The following BCAP29 variants were observed in gnomAD, a reference collection of about 807,000 sequenced individuals.
The protein encoded by BCAP29 is B cell receptor associated protein 29.
In BCAP29, 34 loss-of-function variants were observed where a neutral mutation model predicts 31.8. The ratio of observed to expected loss-of-function variants is 1.07; its 90% CI spans 0.81 to 1.42. BCAP29 has a LOEUF of 1.42. Ranked by LOEUF, BCAP29 falls within the 40% of genes most tolerant of loss-of-function variation. The pLI, the probability that BCAP29 is intolerant of heterozygous loss-of-function variation, is 0.00. For missense variants in BCAP29, 314 were observed against 269.2 expected, an observed-to-expected ratio of 1.17 and a Z score of -1.16; for synonymous variants, 104 against 91.3, an observed-to-expected ratio of 1.14 and a Z score of -0.79.
At chr7:107,580,398 C>G (rs866518251) in intron 1 of BCAP29, 97 bp downstream of exon 1, 2 of 222,016 alleles carry the variant, frequency 9.0e-6, no homozygotes, top group Non-Finnish European at 1.8e-5. Context: ...TGGCCTGGCC[C>G]GACCCGGCCC....
intron 5 of BCAP29, among the ~76,000 whole-genome samples, chr7:107,598,743 C>CT (rs998316992): frequency 6.6e-6 from 1 of 151,498 alleles, no homozygotes; most frequent in East Asian, 1.9e-4. Flanking sequence ...TCCTGTGTTC[C>CT]TTTTTTACCT....
At chr7:107,580,596 C>A in intron 1 of BCAP29, 163 bp from the exon 2 acceptor site, 2 of 537,684 alleles carry the variant, frequency 3.7e-6, no homozygotes, top group Non-Finnish European at 6.4e-6. Flanking sequence ...ACCCGCTTCC[C>A]GGGCCACCCT....
intron 7 of BCAP29, 30 bp from the exon 8 acceptor site, chr7:107,618,298 A>T (rs757190632): frequency 2.0e-6 from 3 of 1,493,374 alleles, no homozygotes; most frequent in Non-Finnish European, 2.7e-6. Context: ...TCTTTGCTGT[A>T]CTACATAAAT....
At chr7:107,593,892 C>G in intron 3 of BCAP29, 63 bp from the exon 4 acceptor site, 1 of 1,493,162 alleles carries the variant, frequency 6.7e-7, no homozygotes, top group Non-Finnish European at 9.0e-7. Flanking sequence ...AAACTGCTTT[C>G]CATTTTTAAC....
At chr7:107,604,876 A>G (rs916167098) in intron 6 of BCAP29, among the ~76,000 whole-genome samples, 2 of 151,894 alleles carry the variant, frequency 1.3e-5, no homozygotes, top group Non-Finnish European at 2.9e-5. Flanking sequence ...CCAGTAGGCA[A>G]TATATAATTA....
intron 6 of BCAP29, chr7:107,603,295 T>C (rs928523258): frequency 6.6e-6 from 1 of 152,120 alleles, no homozygotes; most frequent in Admixed American, 6.6e-5. Context: ...ACTAGAAATA[T>C]GTAGCATTCA....
At chr7:107,611,765 CTTA>C (rs1233143223) in intron 6 of BCAP29, among the ~76,000 whole-genome samples, 2 of 152,094 alleles carry the variant, frequency 1.3e-5, no homozygotes, top group Non-Finnish European at 2.9e-5. Flanking sequence ...TCTTTAATAC[CTTA>C]TTTAGAATTA....
intron 5 of BCAP29, 28 bp from the exon 6 acceptor site, chr7:107,600,369 T>C: frequency 7.2e-7 from 1 of 1,392,162 alleles, no homozygotes. Flanking sequence ...TCTAAGCTTA[T>C]TTCTTCCTGT....
chr7:107,612,429 A>T (rs920397828), intron 6 of BCAP29, among the ~76,000 whole-genome samples: 1,851 of 30,064 alleles, frequency 0.062, 148 homozygotes, highest in African/African-American at 0.17. Context: ...ATATATATAT[A>T]TATATATATA....
chr7:107,582,347 G>C (rs1306839102), intron 2 of BCAP29, among the ~76,000 whole-genome samples: 1 of 152,160 alleles, frequency 6.6e-6, no homozygotes, highest in Non-Finnish European at 1.5e-5. Flanking sequence ...CTCATGTACA[G>C]ATATAAAGAA....
intron 6 of BCAP29, among the ~76,000 whole-genome samples, chr7:107,604,591 TAC>T (rs1290294539): frequency 5.9e-5 from 9 of 152,098 alleles, no homozygotes; most frequent in Admixed American, 5.9e-4. Context: ...ATCTTTTACT[TAC>T]AGTTATATCA....
Position 107,594,072 on chromosome 7 carries a change from T to C in BCAP29, c.311T>C (p.Leu104Pro), listed in dbSNP as rs1029970255. ...QMKLFRSQRNLYISGFSLFFW... is the reference protein window; with the variant it reads ...QMKLFRSQRNPYISGFSLFFW... ...AAACTTTTTAGGTCTCAAAGAAATC[T>C]TTACATTTCTGGATTTTCCCTATTT... is the stretch of plus-strand genomic sequence containing the variant. The change falls in exon 4 of 8, where the codon CTT becomes CCT. Residue 104 changes from leucine to proline, a missense_variant. Physicochemically the swap from Leu to Pro is moderately conservative, Grantham distance 98. Coordinates refer to ENST00000005259, the MANE Select transcript of BCAP29 (RefSeq NM_018844.4). The C allele has an allele frequency of 2.5e-6, 4 of 1,612,376 alleles. No homozygotes were observed. In the African/African-American group the frequency reaches 4.0e-5, roughly 16 times the overall value.
chr7:107,606,419 C>A (rs568584013), intron 6 of BCAP29, among the ~76,000 whole-genome samples: 61 of 152,260 alleles, frequency 4.0e-4, no homozygotes, highest in Middle Eastern at 3.4e-3. Flanking sequence ...AAAATCTTTT[C>A]ACAGTAACTT....
intron 6 of BCAP29, among the ~76,000 whole-genome samples, chr7:107,604,859 G>T (rs1811807475): frequency 6.6e-6 from 1 of 151,018 alleles, no homozygotes. Context: ...TTTATTTGAT[G>T]GTTGTGCCAG....
In BCAP29 at chr7:107,596,001, G is replaced by A. The variant is rs562229432; in HGVS notation, c.479G>A (p.Arg160Lys). 2 of 1,563,514 alleles carry A rather than the reference G, an allele frequency of 1.3e-6. No homozygotes were observed. Among genetic ancestry groups the A allele is most frequent in the African/African-American group, 2.8e-5 (2 of 71,800 alleles). The change falls in exon 5 of 8, where the codon AGG (arginine) becomes AAG (lysine). Residue 160 changes from arginine (R) to lysine (K), a missense_variant and splice_region_variant. Physicochemically the swap from Arg to Lys is conservative, Grantham distance 26 (BLOSUM62 2). Transcript: ENST00000005259. ...ATGGAAGAAAACGAAAAACTAAAAA[G>A]GGTATTTAATTTTCTTTGTAAAAAT... Reference protein sequence around the residue: ...KFMEENEKLKRILKSHGKDEE... With the variant: ...KFMEENEKLKKILKSHGKDEE...
chr7:107,613,619 T>C (rs148654100), intron 7 of BCAP29, 187 bp downstream of exon 7: 1 of 1,572,466 alleles, frequency 6.4e-7, no homozygotes, highest in African/African-American at 1.4e-5. Flanking sequence ...AAATACAAGA[T>C]AATTTTAAGG....
At chr7:107,599,185 A>G (rs1279612037) in intron 5 of BCAP29, among the ~76,000 whole-genome samples, 1 of 92,876 alleles carries the variant, frequency 1.1e-5, no homozygotes, top group Non-Finnish European at 2.2e-5. Context: ...ATTAAAATTT[A>G]TATGTATATA....
chr7:107,585,971 A>T (rs1402034126), intron 3 of BCAP29, among the ~76,000 whole-genome samples: 1 of 152,128 alleles, frequency 6.6e-6, no homozygotes, highest in Non-Finnish European at 1.5e-5. Flanking sequence ...AGCCTGGGTG[A>T]CAAGAGTGAA....
chr7:107,621,885 AT>A (rs779774610), downstream of BCAP29: 1 of 534,712 alleles, frequency 1.9e-6, no homozygotes, highest in South Asian at 1.4e-5. Context: ...GTTTGTGATT[AT>A]TTGTTACTGC....
Sources: allele counts gnomAD v4.1 joint callset (sites outside exome capture counted in the v4.1 genomes callset), GRCh38; gene constraint gnomAD v4.1.1; transcripts MANE v1.5; gene names NCBI Gene and HGNC (gene_info 2026-07-23, HGNC 2026-07-21).